The following MTUS2 variants were observed in gnomAD, a reference collection of about 807,000 sequenced individuals.
MTUS2 encodes the protein microtubule associated scaffold protein 2.
Under a neutral mutation model 114.1 loss-of-function variants are expected in MTUS2, and 40 were observed. The observed-to-expected ratio is 0.35, with a 90% CI of 0.27 to 0.46. The LOEUF is 0.46. Among genes scored for constraint, MTUS2 ranks in the 20% least tolerant of loss-of-function variants. MTUS2 has a pLI of 1.00. For missense variants in MTUS2, 1,679 were observed against 1,705.4 expected, an observed-to-expected ratio of 0.98 and a Z score of 0.27; for synonymous variants, 688 against 672.0, an observed-to-expected ratio of 1.02 and a Z score of -0.37.
chr13:29,482,156 C>G (rs1263558412), intron 10 of MTUS2: 1 of 152,154 alleles, frequency 6.6e-6, no homozygotes, highest in Non-Finnish European at 1.5e-5. Flanking sequence ...TGAGACGACA[C>G]CAGAAGGTGA....
At chr13:28,992,777 T>C (rs1884920344) in intron 2 of MTUS2, among the ~76,000 whole-genome samples, 1 of 152,146 alleles carries the variant, frequency 6.6e-6, no homozygotes, top group African/African-American at 2.4e-5. Context: ...TCTTACCCAT[T>C]TTTAAGTGTA....
intron 5 of MTUS2, among the ~76,000 whole-genome samples, chr13:29,217,401 T>C (rs1468193256): frequency 6.6e-6 from 1 of 152,220 alleles, no homozygotes; most frequent in Non-Finnish European, 1.5e-5. Context: ...AGGTGAGTCA[T>C]AGGACATTTT....
At chr13:29,472,467 C>G (rs759065732) in intron 9 of MTUS2, among the ~76,000 whole-genome samples, 8 of 152,184 alleles carry the variant, frequency 5.3e-5, no homozygotes, top group African/African-American at 1.2e-4. Flanking sequence ...TGCAACCCAC[C>G]CTGACCACCT....
intron 5 of MTUS2, among the ~76,000 whole-genome samples, chr13:29,194,199 C>G (rs1894572395): frequency 6.6e-6 from 1 of 151,614 alleles, no homozygotes; most frequent in Admixed American, 6.6e-5. Context: ...GACTTCATGT[C>G]TAAAACACCA....
chr13:29,409,435 C>T (rs1017717867), intron 8 of MTUS2, among the ~76,000 whole-genome samples: 3 of 151,856 alleles, frequency 2.0e-5, no homozygotes. Context: ...TTTTTCTTCC[C>T]CATTTGCTTT....
intron 10 of MTUS2, among the ~76,000 whole-genome samples, chr13:29,486,952 A>G (rs1318558361): frequency 6.6e-6 from 1 of 152,244 alleles, no homozygotes; most frequent in African/African-American, 2.4e-5. Flanking sequence ...AACAGCCACA[A>G]TGACAATAAC....
intron 2 of MTUS2, among the ~76,000 whole-genome samples, chr13:28,929,239 C>G (rs909005817): frequency 2.0e-5 from 3 of 152,072 alleles, no homozygotes; most frequent in Non-Finnish European, 4.4e-5. Flanking sequence ...GAAATAAGAG[C>G]TAGTGTTTGA....
intron 2 of MTUS2, among the ~76,000 whole-genome samples, chr13:28,928,427 A>G (rs1192322061): frequency 6.6e-6 from 1 of 152,250 alleles, no homozygotes; most frequent in Non-Finnish European, 1.5e-5. Context: ...AAATCCAATT[A>G]AAAACTGGGC....
chr13:29,352,376 G>A (rs1268459999), intron 7 of MTUS2, among the ~76,000 whole-genome samples: 3 of 152,180 alleles, frequency 2.0e-5, no homozygotes, highest in Non-Finnish European at 4.4e-5. Context: ...ACATTCTGAC[G>A]CAGCTGTTTT....
intron 2 of MTUS2, among the ~76,000 whole-genome samples, chr13:28,936,179 G>C (rs1363031855): frequency 6.6e-6 from 1 of 152,170 alleles, no homozygotes; most frequent in African/African-American, 2.4e-5. Flanking sequence ...ATGTTTGCAT[G>C]ATTATGTGAT....
intron 7 of MTUS2, among the ~76,000 whole-genome samples, chr13:29,336,369 T>A (rs1294315817): frequency 2.6e-5 from 4 of 152,206 alleles, no homozygotes; most frequent in Admixed American, 6.5e-5. Context: ...TCCTTTCTGT[T>A]GTTAGTTTTC....
intron 8 of MTUS2, among the ~76,000 whole-genome samples, chr13:29,384,472 G>A (rs1221681622): frequency 1.3e-5 from 2 of 152,214 alleles, no homozygotes; most frequent in Non-Finnish European, 2.9e-5. Flanking sequence ...AGCATGTAGA[G>A]AGGAAACCCA....
chr13:29,496,712 G>C lies in MTUS2; in HGVS notation c.3580-526G>C, dbSNP rs965321172. Among the ~76,000 whole-genome samples, 2 of 152,126 alleles carry C rather than the reference G, an allele frequency of 1.3e-5. No homozygotes were observed. Among genetic ancestry groups the C allele is most frequent in the East Asian group, 3.9e-4 (2 of 5,184 alleles). ...AGCTCAGGGGACTCTGTGGGTTCTA[G>C]GGACATTCAGGAGGCAGGATGGCAG... On this transcript the variant is annotated intron_variant, in intron 12 of 15. Coordinates refer to ENST00000612955, the MANE Select transcript of MTUS2 (RefSeq NM_001033602.4). The surrounding 1 kb of genome is among the most constrained non-coding windows in gnomAD (Gnocchi z 4.3).
At chr13:29,428,938 C>G (rs1279779315) in intron 8 of MTUS2, 3 of 1,601,464 alleles carry the variant, frequency 1.9e-6, no homozygotes, top group Middle Eastern at 1.7e-4. Flanking sequence ...TCCTCCTTTG[C>G]AAGGGCAGAG....
chr13:28,964,505 T>C (rs7335917), intron 2 of MTUS2, among the ~76,000 whole-genome samples: 1,705 of 152,212 alleles, frequency 0.011, 39 homozygotes, highest in African/African-American at 0.039. Flanking sequence ...AGTCTTGTCT[T>C]GTTCACTGGC....
At chr13:28,835,028 G>A (rs1445816476) in intron 1 of MTUS2, among the ~76,000 whole-genome samples, 2 of 152,180 alleles carry the variant, frequency 1.3e-5, no homozygotes, top group Admixed American at 6.5e-5. Context: ...AAGTGTTGGT[G>A]AAGATATGGA....
chr13:28,941,883 A>G (rs559560087), intron 2 of MTUS2, among the ~76,000 whole-genome samples: 54 of 152,326 alleles, frequency 3.5e-4, no homozygotes, highest in African/African-American at 1.2e-3. Flanking sequence ...AACACTATGC[A>G]TTGGTCATTT....
chr13:29,026,704 A>T lies in MTUS2; in HGVS notation c.2006A>T (p.Tyr669Phe), dbSNP rs763181123. 5.6e-6 allele frequency: 9 copies of T among 1,613,968 alleles called. No individual in the cohort carries two copies. Among genetic ancestry groups the T allele is most frequent in the Non-Finnish European group, 7.6e-6 (9 of 1,179,878 alleles). Residue 669 changes from tyrosine (Y) to phenylalanine (F), a missense_variant, in exon 3 of 16, where the codon TAT becomes TTT. This residue lies in a region of MTUS2 where 822 missense variants were observed against 899.7 expected (regional missense o/e 0.91). Coordinates refer to ENST00000612955, the MANE Select transcript of MTUS2 (RefSeq NM_001033602.4). ...DASLVPVGLP[Y>F]APPTCTMPLP... is the part of the protein sequence containing the mutation. ...TCGCTGGTTCCAGTGGGGCTTCCAT[A>T]TGCCCCGCCCACATGTACCATGCCT...
chr13:29,348,797 A>G (rs4586278), intron 7 of MTUS2, among the ~76,000 whole-genome samples: 122,242 of 151,840 alleles, frequency 0.81, 50,229 homozygotes, highest in East Asian at 0.9. Flanking sequence ...ATCATTATGA[A>G]ATTAACTTCT....
Sources: gnomAD v4.1 joint callset for allele counts (sites outside exome capture counted in the v4.1 genomes callset) on GRCh38, gnomAD v4.1.1 for gene constraint, gnomAD v4.1.1 regional missense constraint, Gnocchi (gnomAD v3.1) non-coding constraint, MANE v1.5 for transcripts, NCBI Gene and HGNC (gene_info 2026-07-23, HGNC 2026-07-21) for gene names.